HEMK2: variants seen among roughly 807,000 people sequenced by gnomAD.
The protein encoded by HEMK2 is methyltransferase HEMK2.
the HEMK2 span, among the ~76,000 whole-genome samples, chr21:28,695,691 C>A: frequency 1.3e-5 from 2 of 151,986 alleles, no homozygotes; most frequent in East Asian, 1.9e-4. Flanking sequence ...AGGGACACAG[C>A]CAAACCATAT....
the HEMK2 span, among the ~76,000 whole-genome samples, chr21:28,862,362 G>A: frequency 5.8e-5 from 7 of 120,994 alleles, 1 homozygote; most frequent in African/African-American, 8.2e-5. Flanking sequence ...AGTAGTCGCC[G>A]GGCGCGGTGG....
chr21:28,740,426 G>A, the HEMK2 span, among the ~76,000 whole-genome samples: 2 of 152,184 alleles, frequency 1.3e-5, no homozygotes, highest in African/African-American at 4.8e-5. Flanking sequence ...CAAAACCTGA[G>A]GGCCAACTGC....
At chr21:28,778,372 A>G in the HEMK2 span, among the ~76,000 whole-genome samples, 1 of 152,176 alleles carries the variant, frequency 6.6e-6, no homozygotes, top group Non-Finnish European at 1.5e-5. Flanking sequence ...GCTGAAGGCA[A>G]ACCAAGCTTT....
chr21:28,839,008 TATACAC>T, the HEMK2 span, among the ~76,000 whole-genome samples: 1 of 72,762 alleles, frequency 1.4e-5, no homozygotes, highest in Admixed American at 1.5e-4. Context: ...TATACATATA[TATACAC>T]AATCTGCCAT....
the HEMK2 span, among the ~76,000 whole-genome samples, chr21:28,745,329 A>C: frequency 1.3e-5 from 2 of 152,112 alleles, no homozygotes; most frequent in East Asian, 3.9e-4. Context: ...TCACATACTT[A>C]CTCCCCAGAG....
the HEMK2 span, among the ~76,000 whole-genome samples, chr21:28,653,479 G>A: frequency 1.3e-5 from 2 of 152,052 alleles, no homozygotes; most frequent in Non-Finnish European, 2.9e-5. Flanking sequence ...CAACTGGAAG[G>A]CTCATCCTTC....
chr21:28,682,205 G>GA, the HEMK2 span, among the ~76,000 whole-genome samples: 36 of 151,782 alleles, frequency 2.4e-4, no homozygotes, highest in Admixed American at 2.2e-3. Context: ...AAATTTACAA[G>GA]AAAAAAACAA....
chr21:28,884,928 T>C, the HEMK2 span, among the ~76,000 whole-genome samples: 3 of 152,178 alleles, frequency 2.0e-5, no homozygotes, highest in African/African-American at 7.2e-5. Context: ...CATGTGTTCT[T>C]CAGATTAACA....
the HEMK2 span, among the ~76,000 whole-genome samples, chr21:28,669,998 T>C: frequency 6.6e-6 from 1 of 152,186 alleles, no homozygotes; most frequent in Non-Finnish European, 1.5e-5. Flanking sequence ...CAGTGTGTCA[T>C]TTATTTGAAT....
chr21:28,610,785 A>C, the HEMK2 span, among the ~76,000 whole-genome samples: 1 of 152,240 alleles, frequency 6.6e-6, no homozygotes, highest in South Asian at 2.1e-4. Context: ...AAGCAACAGC[A>C]GTTAAAAAAG....
At chr21:28,593,729 T>A in the HEMK2 span, among the ~76,000 whole-genome samples, 4 of 152,164 alleles carry the variant, frequency 2.6e-5, no homozygotes, top group African/African-American at 9.7e-5. Flanking sequence ...TAAAAAACAG[T>A]AGTATTGGGT....
chr21:28,812,532 C>T, the HEMK2 span, among the ~76,000 whole-genome samples: 298 of 152,230 alleles, frequency 2.0e-3, 4 homozygotes, highest in African/African-American at 7.0e-3. Context: ...CTGCTAGATT[C>T]GGTTTGCCAG....
the HEMK2 span, among the ~76,000 whole-genome samples, chr21:28,871,752 G>A: frequency 5.5e-4 from 83 of 152,220 alleles, no homozygotes; most frequent in Middle Eastern, 0.014. Context: ...GTGTGGGCTG[G>A]ACCATGCTCC....
chr21:28,883,072 C>A, the HEMK2 span: 1 of 1,589,576 alleles, frequency 6.3e-7, no homozygotes, highest in Non-Finnish European at 8.6e-7. Context: ...TATTTCCACT[C>A]TGAAAAAAAA....
chr21:28,881,904 C>T, the HEMK2 span, among the ~76,000 whole-genome samples: 1 of 152,182 alleles, frequency 6.6e-6, no homozygotes, highest in Non-Finnish European at 1.5e-5. Flanking sequence ...TCCCAGAGTA[C>T]TGGGATTAAA....
the HEMK2 span, among the ~76,000 whole-genome samples, chr21:28,840,850 A>G: frequency 1.3e-5 from 2 of 150,490 alleles, no homozygotes; most frequent in Non-Finnish European, 2.9e-5. Context: ...ACTACTGAGT[A>G]TCTACCCAGA....
the HEMK2 span, among the ~76,000 whole-genome samples, chr21:28,694,574 C>T: frequency 8.7e-4 from 132 of 152,326 alleles, 2 homozygotes; most frequent in East Asian, 0.025. Context: ...GTCCTTGACA[C>T]ACTCTACAAT....
At chr21:28,855,285 A>C in the HEMK2 span, among the ~76,000 whole-genome samples, 1 of 152,226 alleles carries the variant, frequency 6.6e-6, no homozygotes, top group Admixed American at 6.5e-5. Context: ...ATAAGGGTAA[A>C]GGATTGAAGT....
chr21:28,629,745 T>C, the HEMK2 span, among the ~76,000 whole-genome samples: 1 of 152,232 alleles, frequency 6.6e-6, no homozygotes, highest in Non-Finnish European at 1.5e-5. Context: ...TCCTGTCATG[T>C]GAAGGTTGTT....
Sources: allele counts gnomAD v4.1 joint callset (sites outside exome capture counted in the v4.1 genomes callset), GRCh38; gene constraint gnomAD v4.1.1; transcripts MANE v1.5; gene names NCBI Gene and HGNC (gene_info 2026-07-23, HGNC 2026-07-21).